The following CTNNA2 variants were observed in gnomAD, a reference collection of about 807,000 sequenced individuals.
CTNNA2 encodes catenin alpha 2.
A neutral mutation model predicts 101.0 loss-of-function variants in CTNNA2; 42 were observed. The observed-to-expected ratio is 0.42, with a 90% CI of 0.32 to 0.54. The LOEUF (loss-of-function observed/expected upper bound fraction) is 0.54. Ranked by LOEUF, CTNNA2 falls within the 20% of genes least tolerant of loss-of-function variation. The pLI is 0.14. For missense variants in CTNNA2, 871 were observed against 1,223.1 expected, an observed-to-expected ratio of 0.71 and a Z score of 4.29; for synonymous variants, 450 against 456.4, an observed-to-expected ratio of 0.99 and a Z score of 0.18.
intron 3 of CTNNA2, among the ~76,000 whole-genome samples, chr2:79,336,860 C>T (rs1573092284): frequency 6.6e-6 from 1 of 152,278 alleles, no homozygotes; most frequent in East Asian, 1.9e-4. Context: ...GTGGTGTTGT[C>T]TATTTGTAGC....
chr2:80,435,382 G>A (rs1681936926), intron 9 of CTNNA2, among the ~76,000 whole-genome samples: 1 of 152,066 alleles, frequency 6.6e-6, no homozygotes, highest in Admixed American at 6.6e-5. Flanking sequence ...TCTCCCCACA[G>A]TAATTTGGTA....
intron 9 of CTNNA2, among the ~76,000 whole-genome samples, chr2:80,465,033 C>T (rs558388887): frequency 7.2e-5 from 11 of 152,066 alleles, no homozygotes; most frequent in South Asian, 4.2e-4. Context: ...AAAAGATATG[C>T]GTCTTCATTC....
chr2:79,202,308 A>G (rs1251815312), intron 2 of CTNNA2, among the ~76,000 whole-genome samples: 2 of 152,032 alleles, frequency 1.3e-5, no homozygotes, highest in Admixed American at 1.3e-4. Context: ...ATTTCAAAAA[A>G]GATAATTTCC....
At chr2:79,539,051 A>G (rs1673245377) in intron 1 of CTNNA2, among the ~76,000 whole-genome samples, 1 of 152,224 alleles carries the variant, frequency 6.6e-6, no homozygotes, top group Non-Finnish European at 1.5e-5. Context: ...TGGTATGAAA[A>G]TATCCAAATA....
intron 3 of CTNNA2, among the ~76,000 whole-genome samples, chr2:79,797,886 T>C (rs1675845784): frequency 6.6e-6 from 1 of 152,154 alleles, no homozygotes. Flanking sequence ...AAATGAATCA[T>C]TTATTCTTCA....
At chr2:80,491,395 G>A (rs931616191) in intron 9 of CTNNA2, among the ~76,000 whole-genome samples, 3 of 152,148 alleles carry the variant, frequency 2.0e-5, no homozygotes, top group Non-Finnish European at 1.5e-5. Flanking sequence ...ATAGACAACG[G>A]TTTTAATTTT....
chr2:80,099,864 A>G (rs1444883098), intron 7 of CTNNA2, among the ~76,000 whole-genome samples: 2 of 152,072 alleles, frequency 1.3e-5, no homozygotes, highest in African/African-American at 2.4e-5. Context: ...GTAAAAAATC[A>G]TATTACTGGG....
intron 1 of CTNNA2, among the ~76,000 whole-genome samples, chr2:79,640,137 G>A (rs1308535655): frequency 4.6e-5 from 7 of 152,098 alleles, no homozygotes; most frequent in Non-Finnish European, 1.0e-4. Flanking sequence ...CAGGCAACTT[G>A]TATTCAAATC....
At chr2:80,221,722 G>A (rs1181265285) in intron 7 of CTNNA2, among the ~76,000 whole-genome samples, 1 of 152,156 alleles carries the variant, frequency 6.6e-6, no homozygotes, top group Non-Finnish European at 1.5e-5. Flanking sequence ...GATTTTCCAT[G>A]TGCTACATGT....
intron 3 of CTNNA2, among the ~76,000 whole-genome samples, chr2:79,829,693 CTTATTTATTTAT>C (rs144686881): frequency 0.28 from 39,956 of 144,426 alleles, 5,805 homozygotes; most frequent in Middle Eastern, 0.37. Flanking sequence ...CTTTTTCTTT[CTTATTTATTTAT>C]TTATTTATTT....
chr2:79,323,564 A>G (rs1444164893), intron 3 of CTNNA2, among the ~76,000 whole-genome samples: 1 of 152,188 alleles, frequency 6.6e-6, no homozygotes, highest in Non-Finnish European at 1.5e-5. Context: ...AAAACAAACA[A>G]AAAAAACAGA....
intron 3 of CTNNA2, among the ~76,000 whole-genome samples, chr2:79,337,021 G>T (rs1677010051): frequency 6.6e-6 from 1 of 152,106 alleles, no homozygotes; most frequent in Non-Finnish European, 1.5e-5. Context: ...TAAACACCTT[G>T]ATGTTCCTCT....
intron 7 of CTNNA2, among the ~76,000 whole-genome samples, chr2:80,129,053 C>T (rs1702279509): frequency 1.3e-5 from 2 of 152,096 alleles, no homozygotes; most frequent in African/African-American, 2.4e-5. Context: ...CAGTTCATGC[C>T]AAGATATGAT....
chr2:80,049,486 T>C (rs901356848), intron 7 of CTNNA2, among the ~76,000 whole-genome samples: 2 of 152,244 alleles, frequency 1.3e-5, no homozygotes, highest in South Asian at 4.1e-4. Context: ...TTCACATTTT[T>C]ACCTGGAGCT....
chr2:80,005,785 T>A (rs939697397), intron 7 of CTNNA2, among the ~76,000 whole-genome samples: 3 of 151,712 alleles, frequency 2.0e-5, no homozygotes, highest in Non-Finnish European at 4.4e-5. Flanking sequence ...TTTTTTTTTT[T>A]AAACAAGCAC....
At chr2:79,848,645 A>G (rs1680432220) in intron 3 of CTNNA2, among the ~76,000 whole-genome samples, 1 of 152,220 alleles carries the variant, frequency 6.6e-6, no homozygotes, top group South Asian at 2.1e-4. Context: ...AACGATGTTT[A>G]ATAGCTCATA....
At chr2:80,604,834 T>C (rs1697863954) in intron 16 of CTNNA2, among the ~76,000 whole-genome samples, 1 of 151,856 alleles carries the variant, frequency 6.6e-6, no homozygotes, top group African/African-American at 2.4e-5. Flanking sequence ...AGGAGTAGAA[T>C]GGAAACTGGG....
At chr2:80,588,175 G>A (rs752973573) in intron 14 of CTNNA2, among the ~76,000 whole-genome samples, 8 of 152,114 alleles carry the variant, frequency 5.3e-5, no homozygotes, top group Non-Finnish European at 1.5e-5. Context: ...TGTAACTCAT[G>A]CCTGATTGAA....
At chr2:80,572,272 T>G (rs1694665190) in intron 12 of CTNNA2, among the ~76,000 whole-genome samples, 1 of 152,254 alleles carries the variant, frequency 6.6e-6, no homozygotes, top group Non-Finnish European at 1.5e-5. Flanking sequence ...TGTGTATTTA[T>G]CAGCAATATG....
Sources: gnomAD v4.1 joint callset for allele counts (sites outside exome capture counted in the v4.1 genomes callset) on GRCh38, gnomAD v4.1.1 for gene constraint, MANE v1.5 for transcripts, NCBI Gene and HGNC (gene_info 2026-07-23, HGNC 2026-07-21) for gene names.